The following TENM3 variants were observed in gnomAD, a reference collection of about 807,000 sequenced individuals.
TENM3 encodes teneurin-3.
TENM3 carries 63 observed loss-of-function variants against 255.1 expected under a neutral mutation model. The ratio of observed to expected loss-of-function variants is 0.25; its 90% CI spans 0.20 to 0.30. The LOEUF (loss-of-function observed/expected upper bound fraction) is 0.30. Ranked by LOEUF, TENM3 falls within the 10% of genes least tolerant of loss-of-function variation. The pLI is 1.00. For missense variants in TENM3, 2,929 were observed against 3,461.1 expected, an observed-to-expected ratio of 0.85 and a Z score of 3.86; for synonymous variants, 1,306 against 1,322.3, an observed-to-expected ratio of 0.99 and a Z score of 0.27.
the TENM3 span, among the ~76,000 whole-genome samples, chr4:182,112,940 T>C: frequency 6.6e-6 from 1 of 152,224 alleles, no homozygotes; most frequent in Non-Finnish European, 1.5e-5. Context: ...CTGGATGACA[T>C]GCTTGTAAGA....
chr4:181,700,670 A>G, the TENM3 span, among the ~76,000 whole-genome samples: 1 of 152,128 alleles, frequency 6.6e-6, no homozygotes, highest in Non-Finnish European at 1.5e-5. Context: ...TGCAAAAATG[A>G]TGAGCCATCT....
the TENM3 span, among the ~76,000 whole-genome samples, chr4:181,801,563 TA>T: frequency 1.3e-5 from 2 of 151,286 alleles, no homozygotes; most frequent in Admixed American, 6.6e-5. Context: ...AGCATTCGTA[TA>T]AATCTGGGGT....
At chr4:181,761,584 A>C in the TENM3 span, among the ~76,000 whole-genome samples, 1 of 152,246 alleles carries the variant, frequency 6.6e-6, no homozygotes, top group Non-Finnish European at 1.5e-5. Flanking sequence ...ATATCTAAAA[A>C]TAGATCTATA....
chr4:182,032,296 T>C, the TENM3 span, among the ~76,000 whole-genome samples: 1 of 152,216 alleles, frequency 6.6e-6, no homozygotes, highest in Non-Finnish European at 1.5e-5. Context: ...TTTCTACATT[T>C]ATTGAGATAA....
chr4:181,798,242 G>A, the TENM3 span, among the ~76,000 whole-genome samples: 1 of 152,004 alleles, frequency 6.6e-6, no homozygotes, highest in Non-Finnish European at 1.5e-5. Context: ...GCTAAGAGAC[G>A]CATCTTGGGT....
At chr4:182,737,192 G>T in intron 17 of TENM3, 117 bp downstream of exon 17, 1 of 1,105,740 alleles carries the variant, frequency 9.0e-7, no homozygotes, top group Non-Finnish European at 1.3e-6. Context: ...GAATAAGGTT[G>T]TCCTAGGGAT....
chr4:182,460,706 C>T (rs1225652513), intron 3 of TENM3, among the ~76,000 whole-genome samples: 1 of 152,114 alleles, frequency 6.6e-6, no homozygotes, highest in African/African-American at 2.4e-5. Context: ...AATGTAAGAG[C>T]ACAAACCCAT....
intron 1 of TENM3, among the ~76,000 whole-genome samples, chr4:182,272,160 A>C (rs77324341): frequency 0.012 from 1,770 of 152,294 alleles, 35 homozygotes; most frequent in African/African-American, 0.041. Flanking sequence ...ATTTTTGCAA[A>C]GGTTCCGTAG....
At chr4:181,542,528 TG>T in the TENM3 span, among the ~76,000 whole-genome samples, 1 of 152,276 alleles carries the variant, frequency 6.6e-6, no homozygotes, top group African/African-American at 2.4e-5. Flanking sequence ...AAAAGAGATA[TG>T]GGTAGCTTAG....
At chr4:181,523,232 A>T in the TENM3 span, among the ~76,000 whole-genome samples, 1 of 152,098 alleles carries the variant, frequency 6.6e-6, no homozygotes, top group African/African-American at 2.4e-5. Flanking sequence ...CTAATATAAA[A>T]CCCAGAACTT....
At chr4:182,438,152 G>T (rs1772185610) in intron 3 of TENM3, among the ~76,000 whole-genome samples, 1 of 152,142 alleles carries the variant, frequency 6.6e-6, no homozygotes, top group Non-Finnish European at 1.5e-5. Context: ...CTGAACCCAG[G>T]TTTCCTGATT....
intron 3 of TENM3, among the ~76,000 whole-genome samples, chr4:182,352,785 C>T (rs1765269295): frequency 6.6e-6 from 1 of 152,058 alleles, no homozygotes; most frequent in Non-Finnish European, 1.5e-5. Context: ...AAAAGGCGTA[C>T]CCCTCAAACC....
In TENM3 at chr4:182,752,004, C is replaced by T. The variant is rs569593542; in HGVS notation, c.3834C>T (p.Ala1278=). ...CGAGATGTGGGGATGGAGGGAAGGC[C>T]GTGGAAGCCACACTCATGAGTCCCA... The part of the protein sequence containing the change: ...DEARCGDGGK[A]VEATLMSPKG... Residue 1278 remains alanine (A), a synonymous_variant, in exon 20 of 28, where the codon GCC becomes GCT. Coordinates refer to ENST00000511685, the MANE Select transcript of TENM3 (RefSeq NM_001080477.4). 1.5e-5 allele frequency: 24 copies of T among 1,610,974 alleles called. No homozygotes were observed. The highest frequency in any genetic ancestry group is 9.4e-5 in the African/African-American group (7 of 74,500).
intron 6 of TENM3, among the ~76,000 whole-genome samples, chr4:182,654,933 G>A (rs192592729): frequency 6.7e-4 from 102 of 151,798 alleles, no homozygotes; most frequent in Admixed American, 5.8e-3. Flanking sequence ...TACGACATTC[G>A]ATTTTTATAA....
chr4:181,830,875 A>C, the TENM3 span, among the ~76,000 whole-genome samples: 1 of 152,050 alleles, frequency 6.6e-6, no homozygotes, highest in African/African-American at 2.4e-5. Context: ...CGCTGACTGA[A>C]GTTTTTACTA....
the TENM3 span, among the ~76,000 whole-genome samples, chr4:181,673,151 A>G: frequency 8.5e-5 from 13 of 152,216 alleles, no homozygotes; most frequent in Non-Finnish European, 1.6e-4. Flanking sequence ...CATGTTCCAC[A>G]GGTTCATGAA....
At chr4:182,507,628 C>T (rs17073492) in intron 3 of TENM3, among the ~76,000 whole-genome samples, 11,585 of 152,182 alleles carry the variant, frequency 0.076, 502 homozygotes, top group East Asian at 0.11. Context: ...TGTACTCATT[C>T]TATGGGAGAA....
chr4:181,730,103 A>G, the TENM3 span, among the ~76,000 whole-genome samples: 1 of 152,124 alleles, frequency 6.6e-6, no homozygotes, highest in African/African-American at 2.4e-5. Context: ...CACAATAGTC[A>G]TACACATTCA....
At chr4:181,576,726 A>G in the TENM3 span, among the ~76,000 whole-genome samples, 2 of 151,490 alleles carry the variant, frequency 1.3e-5, no homozygotes, top group Admixed American at 1.3e-4. Context: ...AGGAAGAAAC[A>G]TCTAATTATA....
Sources: gnomAD v4.1 joint callset for allele counts (sites outside exome capture counted in the v4.1 genomes callset) on GRCh38, gnomAD v4.1.1 for gene constraint, MANE v1.5 for transcripts, NCBI Gene and HGNC (gene_info 2026-07-23, HGNC 2026-07-21) for gene names.